Variants in GPHN observed in about 807,000 individuals in gnomAD.
The protein encoded by GPHN is gephyrin.
A neutral mutation model predicts 95.5 loss-of-function variants in GPHN; 17 were observed. The observed-to-expected ratio is 0.18, with a 90% confidence interval of 0.12 to 0.27. The LOEUF is 0.27. GPHN is among the 10% of genes least tolerant of loss of function. The pLI, the probability that GPHN is intolerant of heterozygous loss-of-function variation, is 1.00. For synonymous variants in GPHN, 320 were observed against 322.5 expected (o/e 0.99, Z 0.08); for missense variants, 660 against 978.1 (o/e 0.67, Z 4.34).
At chr14:66,588,042 A>G (rs2061494712) in intron 1 of GPHN, among the ~76,000 whole-genome samples, 1 of 152,158 alleles carries the variant, frequency 6.6e-6, no homozygotes, top group African/African-American at 2.4e-5. Context: ...AGAGGAAGGA[A>G]CAGGTAGCAA....
At chr14:67,195,901 G>A in the GPHN span, among the ~76,000 whole-genome samples, 1 of 152,024 alleles carries the variant, frequency 6.6e-6, no homozygotes, top group Non-Finnish European at 1.5e-5. Flanking sequence ...CTCCTAGAGA[G>A]GCCTTTAGAA....
chr14:67,224,122 A>T, the GPHN span: 3 of 556,094 alleles, frequency 5.4e-6, no homozygotes, highest in South Asian at 1.6e-4. Flanking sequence ...CGAAAGTTAA[A>T]TTTTTTTTCT....
intron 3 of GPHN, among the ~76,000 whole-genome samples, chr14:66,820,604 T>C (rs971043587): frequency 5.9e-5 from 9 of 151,998 alleles, no homozygotes; most frequent in African/African-American, 2.2e-4. Flanking sequence ...AGATATGGAG[T>C]CTCTTTTAGT....
intron 1 of GPHN, among the ~76,000 whole-genome samples, chr14:66,517,834 A>C (rs908324324): frequency 6.6e-5 from 10 of 152,176 alleles, no homozygotes; most frequent in Non-Finnish European, 1.3e-4. Context: ...AAACTATGGA[A>C]CTGCTAGAAG....
At chr14:67,242,908 A>G in the GPHN span, among the ~76,000 whole-genome samples, 1 of 152,292 alleles carries the variant, frequency 6.6e-6, no homozygotes, top group Non-Finnish European at 1.5e-5. Context: ...AGAATATATA[A>G]GTTCTACTTG....
At chr14:66,645,691 CAAAAAAAAA>C (rs35278627) in intron 1 of GPHN, among the ~76,000 whole-genome samples, 1 of 109,094 alleles carries the variant, frequency 9.2e-6, no homozygotes, top group Admixed American at 9.2e-5. Flanking sequence ...GACTCCATTT[CAAAAAAAAA>C]AAAAAAGAAA....
chr14:67,570,861 C>G, the GPHN span: 1 of 152,248 alleles, frequency 6.6e-6, no homozygotes, highest in African/African-American at 2.4e-5. Context: ...ATAGCTGGAA[C>G]TACAGGCGCG....
chr14:67,061,976 C>A (rs754411679), intron 11 of GPHN, among the ~76,000 whole-genome samples: 4 of 152,258 alleles, frequency 2.6e-5, no homozygotes, highest in Non-Finnish European at 5.9e-5. Context: ...CTGAGTTAAA[C>A]ACTCTTCATT....
At chr14:66,803,018 A>C (rs2060416230) in intron 3 of GPHN, among the ~76,000 whole-genome samples, 1 of 151,816 alleles carries the variant, frequency 6.6e-6, no homozygotes, top group African/African-American at 2.4e-5. Context: ...CAGCCCTAGG[A>C]CTCACCTAAT....
intron 9 of GPHN, among the ~76,000 whole-genome samples, chr14:66,982,988 C>G (rs944401584): frequency 2.0e-5 from 3 of 152,052 alleles, no homozygotes; most frequent in Non-Finnish European, 4.4e-5. Context: ...CGGTGGCTCA[C>G]GCCTGTAATC....
intron 13 of GPHN, among the ~76,000 whole-genome samples, chr14:67,103,216 A>T (rs1420945376): frequency 6.6e-6 from 1 of 152,116 alleles, no homozygotes; most frequent in African/African-American, 2.4e-5. Flanking sequence ...TCCATTGGTC[A>T]ATGTATCTGT....
At chr14:67,233,598 C>T in the GPHN span, among the ~76,000 whole-genome samples, 3 of 152,206 alleles carry the variant, frequency 2.0e-5, no homozygotes, top group Non-Finnish European at 4.4e-5. Flanking sequence ...CTGAAACTCC[C>T]TTCCTCTGGC....
At chr14:66,865,561 G>A (rs535277113) in intron 4 of GPHN, among the ~76,000 whole-genome samples, 2 of 152,206 alleles carry the variant, frequency 1.3e-5, no homozygotes, top group South Asian at 4.2e-4. Context: ...GCATTTCTTT[G>A]TTTTCTGTGC....
Position 66,906,010 on chromosome 14 carries a change from C to A in GPHN, c.390-9993C>A, listed in dbSNP as rs866957181. Among the ~76,000 whole-genome samples the A allele has an allele frequency of 2.8e-4, 38 of 136,898 alleles. 1 individual carries two copies. Among genetic ancestry groups the A allele is most frequent in the Middle Eastern group, 7.1e-3 (2 of 282 alleles). 89.8% of individuals were successfully genotyped at this position (136,898 alleles called of 152,430 possible). On this transcript the variant is annotated intron_variant, in intron 5 of 22. Coordinates refer to ENST00000478722, the MANE Select transcript of GPHN (RefSeq NM_020806.5). Reference sequence around the variant, plus strand: ...TTCGAGGCTTTTTTTTTTTTTTTTACCACTTCCCCATTTTCAGTCCTAGGT... The same window carrying A: ...TTCGAGGCTTTTTTTTTTTTTTTTAACACTTCCCCATTTTCAGTCCTAGGT...
the GPHN span, chr14:67,204,486 A>T: frequency 6.6e-7 from 1 of 1,519,716 alleles, no homozygotes; most frequent in Admixed American, 2.4e-5. Context: ...AGGCCTTTTT[A>T]TAAGCCTCCC....
chr14:67,217,667 G>A, the GPHN span, among the ~76,000 whole-genome samples: 1 of 151,988 alleles, frequency 6.6e-6, no homozygotes, highest in African/African-American at 2.4e-5. Flanking sequence ...AGCATTTTTT[G>A]TAAGGCCAAT....
chr14:66,557,380 T>C (rs1035215556), intron 1 of GPHN, among the ~76,000 whole-genome samples: 3 of 152,148 alleles, frequency 2.0e-5, no homozygotes, highest in Non-Finnish European at 4.4e-5. Context: ...GGGGAACTTA[T>C]AATTTAAGTG....
chr14:66,968,020 C>G lies in GPHN; in HGVS notation c.963+2695C>G, dbSNP rs551314864. Among the ~76,000 whole-genome samples, 5 of 152,028 alleles carry G rather than the reference C, an allele frequency of 3.3e-5. No homozygotes were observed. The East Asian group carries it at 5.8e-4, about 18-fold the overall frequency. On this transcript the variant is annotated intron_variant, in intron 9 of 22. Coordinates refer to ENST00000478722, the MANE Select transcript of GPHN (RefSeq NM_020806.5). Reference sequence around the variant, plus strand: ...TAGTCTAATTCAGTGATGTCAACAGCCAATTTCAAATATCTGTTCTTTTTT... The same window carrying G: ...TAGTCTAATTCAGTGATGTCAACAGGCAATTTCAAATATCTGTTCTTTTTT...
At chr14:67,695,784 A>G in the GPHN span, 2 of 1,358,260 alleles carry the variant, frequency 1.5e-6, no homozygotes, top group Non-Finnish European at 1.0e-6. Flanking sequence ...GACACGCCCC[A>G]ATTCAAATTG....
Sources: allele counts gnomAD v4.1 joint callset (sites outside exome capture counted in the v4.1 genomes callset), GRCh38; gene constraint gnomAD v4.1.1; transcripts MANE v1.5; gene names NCBI Gene and HGNC (gene_info 2026-07-23, HGNC 2026-07-21).